Variants in DLX4 observed in about 807,000 individuals in gnomAD.
The protein encoded by DLX4 is distal-less homeobox 4.
A neutral mutation model predicts 17.1 loss-of-function variants in DLX4; 13 were observed. The ratio of observed to expected loss-of-function variants is 0.76; its 90% CI spans 0.49 to 1.21. DLX4 has a LOEUF of 1.21. Among genes scored for constraint, DLX4 ranks in the 50% most tolerant of loss-of-function variants. DLX4 has a pLI of 0.00. For synonymous variants in DLX4, 129 were observed against 140.3 expected (o/e 0.92, Z 0.57); for missense variants, 297 against 301.4 (o/e 0.99, Z 0.11).
chr17:49,971,801 G>T (rs1431273325), intron 1 of DLX4, among the ~76,000 whole-genome samples: 1 of 152,108 alleles, frequency 6.6e-6, no homozygotes, highest in Non-Finnish European at 1.5e-5. Context: ...TTGAGGCAGG[G>T]TCGAGGAGGG....
chr17:49,973,967 C>T lies in DLX4; in HGVS notation c.*24C>T. ...GAATCTGGGGAAGGGCGGGTCAGGC[C>T]CACAGCCTTCCTGCAAAGCCCAGGA... is the stretch of plus-strand genomic sequence containing the variant. On this transcript the variant is annotated 3_prime_UTR_variant, in exon 3 of 3. Transcript: ENST00000240306. The T allele has an allele frequency of 6.3e-7, 1 of 1,576,800 alleles. No homozygotes were observed. Among genetic ancestry groups the T allele is most frequent in the Non-Finnish European group, 8.6e-7 (1 of 1,163,586 alleles).
At position 49,974,029 on chromosome 17, in the gene DLX4, G is replaced by T; in HGVS notation, c.*86G>T. The T allele has an allele frequency of 6.9e-7, 1 of 1,448,514 alleles. No homozygotes were observed. Among genetic ancestry groups the T allele is most frequent in the East Asian group, 2.5e-5 (1 of 39,630 alleles). 89.7% of individuals were successfully genotyped at this position (1,448,514 alleles called of 1,614,324 possible). A position where few individuals can be genotyped will look rare whatever the true frequency, so the allele number is the denominator to read the frequency against. The stretch of plus-strand genomic sequence containing the variant: ...CACCTGCACCCCTTCTGGGCTGGGA[G>T]GAAACCAGCTCCAGATGGGTTTTCT... On this transcript the variant is annotated 3_prime_UTR_variant, in exon 3 of 3. Coordinates refer to ENST00000240306, the MANE Select transcript of DLX4 (RefSeq NM_138281.3).
rs1398325798 is a variant in DLX4, at chr17:49,969,767, G to A, written c.283+16G>A. ...CTCGAGGCAGGTAAGTTCGGCCGTG[G>A]AGGCTCTTCCCACCTCTGGGGTTCG... On this transcript the variant is annotated intron_variant, in intron 1 of 2. Coordinates refer to ENST00000240306, the MANE Select transcript of DLX4 (RefSeq NM_138281.3). 5.1e-6 allele frequency: 8 copies of A among 1,574,462 alleles called. No homozygotes were observed. In the Middle Eastern group the frequency reaches 5.0e-4, roughly 99 times the overall value.
intron 1 of DLX4, among the ~76,000 whole-genome samples, chr17:49,970,939 A>C (rs571978794): frequency 2.0e-5 from 3 of 152,180 alleles, no homozygotes; most frequent in Non-Finnish European, 4.4e-5. Context: ...AGCTTCCTCC[A>C]ACCCCCCCAA....
chr17:49,970,620 G>C (rs998321109), intron 1 of DLX4, among the ~76,000 whole-genome samples: 1 of 152,178 alleles, frequency 6.6e-6, no homozygotes, highest in Non-Finnish European at 1.5e-5. Context: ...ATACAATGTG[G>C]GTATGGCATT....
chr17:49,969,610 T>C lies in DLX4; in HGVS notation c.142T>C (p.Ser48Pro), dbSNP rs1313428887. The C allele has an allele frequency of 1.2e-6, 2 of 1,613,172 alleles. No individual in the cohort carries two copies. Among genetic ancestry groups the C allele is most frequent in the Non-Finnish European group, 1.7e-6 (2 of 1,179,952 alleles). Residue 48 changes from serine (S) to proline (P), a missense_variant, in exon 1 of 3, where the codon TCC becomes CCC. Transcript: ENST00000240306. ...TTAASPNLSY[S>P]RPYGHLLSYP... ...CGCAGCCTCCCCCAATTTGTCCTAC[T>C]CCAGGCCGTATGGCCACCTCCTGTC...
rs367638945 is a variant in DLX4, at chr17:49,969,458, C to T, written c.-11C>T. 5.2e-5 allele frequency: 81 copies of T among 1,542,996 alleles called. No homozygotes were observed. Among genetic ancestry groups the T allele is most frequent in the Non-Finnish European group, 6.4e-5 (73 of 1,148,948 alleles). ...CCGGGCCATGGCCCTTCTGCCCGGG[C>T]CCTGGCCACAATGACCTCTTTGCCC... On this transcript the variant is annotated 5_prime_UTR_variant, in exon 1 of 3. Transcript: ENST00000240306.
intron 1 of DLX4, among the ~76,000 whole-genome samples, chr17:49,971,770 A>G (rs1454012032): frequency 2.0e-5 from 3 of 151,822 alleles, no homozygotes; most frequent in Non-Finnish European, 4.4e-5. Flanking sequence ...GCGGAAACCC[A>G]ACGGTTTTTC....
At position 49,969,428 on chromosome 17, in the gene DLX4, A is replaced by G. The variant is rs1314355487; in HGVS notation, c.-41A>G. 5.4e-6 allele frequency: 8 copies of G among 1,476,420 alleles called. No individual in the cohort carries two copies. The East Asian group carries it at 2.0e-4, about 37-fold the overall frequency. 91.5% of individuals were successfully genotyped at this position (1,476,420 alleles called of 1,614,324 possible). A position where few individuals can be genotyped will look rare whatever the true frequency, so the allele number is the denominator to read the frequency against. On this transcript the variant is annotated 5_prime_UTR_variant, in exon 1 of 3. Transcript: ENST00000240306. ...AGAGAGTTGGCAGCGGGAGCGGACT[A>G]CGTGCCGGGCCATGGCCCTTCTGCC...
Position 49,972,562 on chromosome 17 carries a change from C to A in DLX4, c.284-511C>A, listed in dbSNP as rs112735291. On this transcript the variant is annotated intron_variant, in intron 1 of 2. Transcript: ENST00000240306. The surrounding 1 kb of genome is among the most constrained non-coding windows in gnomAD (Gnocchi z 5.4). ...AGACTGGTATTCAAGGTCCTCTCAG[C>A]CGGGCCTCTCACCCACCCCGCTGGC... is the stretch of plus-strand genomic sequence containing the variant. 4 of 231,434 alleles carry A rather than the reference C, an allele frequency of 1.7e-5. No individual in the cohort carries two copies. The highest frequency in any genetic ancestry group is 2.9e-5 in the Non-Finnish European group (4 of 135,670). 14.3% of individuals were successfully genotyped at this position (231,434 alleles called of 1,614,324 possible).
rs1905526499 is a variant in DLX4 at position 49,972,091 on chromosome 17, G to C, written c.284-982G>C. On this transcript the variant is annotated intron_variant, in intron 1 of 2. Transcript: ENST00000240306. This position sits in a 1 kb window ranked among gnomAD's most constrained non-coding sequence, Gnocchi z 5.4. ...ACTCCTCCCATTGCCTGGGACCTCT[G>C]CAGCGTCCCCGTAGAGCCGCGCAGG... 6.6e-6 allele frequency: 1 copy of C among 152,212 alleles called. No homozygotes were observed. The highest frequency in any genetic ancestry group is 1.5e-5 in the Non-Finnish European group (1 of 68,096). 9.4% of individuals were successfully genotyped at this position (152,212 alleles called of 1,614,324 possible). A position where few individuals can be genotyped will look rare whatever the true frequency, so the allele number is the denominator to read the frequency against.
At chr17:49,971,665 C>T (rs1905510031) in intron 1 of DLX4, among the ~76,000 whole-genome samples, 1 of 152,042 alleles carries the variant, frequency 6.6e-6, no homozygotes, top group Admixed American at 6.5e-5. Flanking sequence ...GCGCAGTCCA[C>T]GCAGCCAGAG....
Position 49,969,674 on chromosome 17 carries a change from A to G in DLX4, c.206A>G (p.Tyr69Cys). Residue 69 changes from tyrosine to cysteine, a missense_variant, in exon 1 of 3, where the codon TAC becomes TGC. By Grantham distance (194) the Tyr-to-Cys change is radical. Transcript: ENST00000240306. ...YTEPANPGDS[Y>C]LSCQQPAALS... is the part of the protein sequence containing the mutation. ...GAGCCAGCGAACCCCGGAGACTCCT[A>G]CCTGTCCTGCCAGCAACCCGCGGCG... is the stretch of plus-strand genomic sequence containing the variant. 1 of 1,607,048 alleles carries G rather than the reference A, an allele frequency of 6.2e-7. No individual in the cohort carries two copies. The highest frequency in any genetic ancestry group is 8.5e-7 in the Non-Finnish European group (1 of 1,179,620).
rs993790852 is a variant in DLX4, at chr17:49,972,873, C to G, written c.284-200C>G. On this transcript the variant is annotated intron_variant, in intron 1 of 2. Transcript: ENST00000240306. This position sits in a 1 kb window ranked among gnomAD's most constrained non-coding sequence, Gnocchi z 5.4. The stretch of plus-strand genomic sequence containing the variant: ...GGGAGCAGAACTGCGTCTTGTATCA[C>G]CTGGCGCGGTGAACGTGGGGGTTGA... 128 of 1,446,724 alleles carry G rather than the reference C, an allele frequency of 8.8e-5. No individual in the cohort carries two copies. The highest frequency in any genetic ancestry group is 1.1e-4 in the Non-Finnish European group (122 of 1,096,744). The allele number at this position is 1,446,724 out of a possible 1,614,324, so 89.6% of individuals were successfully genotyped here.
chr17:49,974,048 G>T lies in DLX4; in HGVS notation c.*105G>T. The T allele has an allele frequency of 7.1e-7, 1 of 1,402,538 alleles. No individual in the cohort carries two copies. The highest frequency in any genetic ancestry group is 9.4e-7 in the Non-Finnish European group (1 of 1,068,034). 86.9% of individuals were successfully genotyped at this position (1,402,538 alleles called of 1,614,324 possible). On this transcript the variant is annotated 3_prime_UTR_variant, in exon 3 of 3. Transcript: ENST00000240306. ...CTGGGAGGAAACCAGCTCCAGATGG[G>T]TTTTCTCTGGAGGACAAGCAGTTAG...
rs1905607020 is a variant in DLX4, at chr17:49,973,644, A to G, written c.481-57A>G. The G allele has an allele frequency of 2.0e-6, 3 of 1,491,804 alleles. No individual in the cohort carries two copies. In the African/African-American group the frequency reaches 4.2e-5, roughly 21 times the overall value. 92.4% of individuals were successfully genotyped at this position (1,491,804 alleles called of 1,614,324 possible). On this transcript the variant is annotated intron_variant, in intron 2 of 2. Transcript: ENST00000240306. ...CCTGGATCCCTTTCCCTTCCTCGAA[A>G]CTTTTCACACATATCTTCCTCCTGA...
intron 1 of DLX4, among the ~76,000 whole-genome samples, chr17:49,970,004 G>GC (rs1408924261): frequency 3.3e-5 from 5 of 151,982 alleles, no homozygotes; most frequent in East Asian, 3.9e-4. Flanking sequence ...AGGCGAGAGG[G>GC]CCCCCCCAAC....
chr17:49,969,423 G>T lies in DLX4; in HGVS notation c.-46G>T. 6.8e-7 allele frequency: 1 copy of T among 1,471,002 alleles called. No individual in the cohort carries two copies. The highest frequency in any genetic ancestry group is 9.0e-7 in the Non-Finnish European group (1 of 1,116,912). The allele number at this position is 1,471,002 out of a possible 1,614,324, so 91.1% of individuals were successfully genotyped here. A position where few individuals can be genotyped will look rare whatever the true frequency, so the allele number is the denominator to read the frequency against. On this transcript the variant is annotated 5_prime_UTR_variant, in exon 1 of 3. Transcript: ENST00000240306. ...GGAAAAGAGAGTTGGCAGCGGGAGC[G>T]GACTACGTGCCGGGCCATGGCCCTT...
chr17:49,971,980 C>T (rs183227055), intron 1 of DLX4: 1 of 152,352 alleles, frequency 6.6e-6, no homozygotes, highest in Admixed American at 6.5e-5. Context: ...CGCTCTCTCT[C>T]GGCTCAGGTC....
Sources: gnomAD v4.1 joint callset for allele counts (sites outside exome capture counted in the v4.1 genomes callset) on GRCh38, gnomAD v4.1.1 for gene constraint, Gnocchi (gnomAD v3.1) non-coding constraint, MANE v1.5 for transcripts, NCBI Gene and HGNC (gene_info 2026-07-23, HGNC 2026-07-21) for gene names.